The following ERC1 variants were observed in gnomAD, a reference collection of about 807,000 sequenced individuals.
The protein encoded by ERC1 is RAB6 interacting protein 2.
Under a neutral mutation model 132.0 loss-of-function variants are expected in ERC1, and 56 were observed. The ratio of observed to expected loss-of-function variants is 0.42; its 90% CI spans 0.34 to 0.53. The LOEUF (loss-of-function observed/expected upper bound fraction) is 0.53. Among genes scored for constraint, ERC1 ranks in the 20% least tolerant of loss-of-function variants. The pLI, the probability that ERC1 is intolerant of heterozygous loss-of-function variation, is 0.03. For synonymous variants in ERC1, 478 were observed against 476.1 expected, an observed-to-expected ratio of 1.00 and a Z score of -0.05; for missense variants, 1,202 against 1,349.9, an observed-to-expected ratio of 0.89 and a Z score of 1.72.
chr12:1,240,614 C>G (rs1477362508), intron 13 of ERC1, among the ~76,000 whole-genome samples: 1 of 152,016 alleles, frequency 6.6e-6, no homozygotes, highest in Non-Finnish European at 1.5e-5. Context: ...TCCGTATTTT[C>G]CAAGTAACTC....
At chr12:1,026,126 A>G (rs1270358298) in intron 1 of ERC1, among the ~76,000 whole-genome samples, 2 of 152,202 alleles carry the variant, frequency 1.3e-5, no homozygotes, top group African/African-American at 2.4e-5. Context: ...TCTCAGTTCC[A>G]CATGGCTGGG....
At chr12:1,454,293 T>C (rs1204157589) in intron 18 of ERC1, among the ~76,000 whole-genome samples, 1 of 152,234 alleles carries the variant, frequency 6.6e-6, no homozygotes, top group Admixed American at 6.5e-5. Flanking sequence ...GGTTCATTTG[T>C]GTTATCCTTT....
intron 15 of ERC1, among the ~76,000 whole-genome samples, chr12:1,333,044 G>A (rs997294732): frequency 1.4e-5 from 2 of 145,456 alleles, no homozygotes; most frequent in Non-Finnish European, 3.1e-5. Flanking sequence ...CCTGATCCTC[G>A]TCCTGATCCT....
At chr12:1,305,578 C>T (rs2080817199) in intron 15 of ERC1, among the ~76,000 whole-genome samples, 2 of 152,144 alleles carry the variant, frequency 1.3e-5, no homozygotes, top group African/African-American at 4.8e-5. Flanking sequence ...ATTAGCACTT[C>T]TCCTGCTTTG....
Position 1,490,614 on chromosome 12 carries a change from T to G in ERC1, c.*384T>G. The G allele has an allele frequency of 3.8e-6, 1 of 260,374 alleles. No homozygotes were observed. Among genetic ancestry groups the G allele is most frequent in the East Asian group, 5.5e-5 (1 of 18,338 alleles). 16.1% of individuals were successfully genotyped at this position (260,374 alleles called of 1,614,324 possible). A position where few individuals can be genotyped will look rare whatever the true frequency, so the allele number is the denominator to read the frequency against. On this transcript the variant is annotated 3_prime_UTR_variant, in exon 19 of 19. Transcript: ENST00000360905. The stretch of plus-strand genomic sequence containing the variant: ...ATGAAACCAGGAATGGACTTGGAGT[T>G]CAACAGGCTGAGAGGATGCCTCCAA...
intron 2 of ERC1, among the ~76,000 whole-genome samples, chr12:1,079,104 T>A (rs1193967920): frequency 6.7e-6 from 1 of 149,444 alleles, no homozygotes; most frequent in African/African-American, 2.5e-5. Flanking sequence ...ATGACAAAAG[T>A]CGATATACAG....
At chr12:1,389,965 C>T (rs1367282988) in intron 16 of ERC1, among the ~76,000 whole-genome samples, 1 of 152,192 alleles carries the variant, frequency 6.6e-6, no homozygotes, top group Non-Finnish European at 1.5e-5. Flanking sequence ...AAGTTACACA[C>T]TTATTTCATG....
chr12:1,254,669 AC>A (rs1359203101), intron 13 of ERC1, among the ~76,000 whole-genome samples: 2 of 152,042 alleles, frequency 1.3e-5, no homozygotes, highest in Admixed American at 1.3e-4. Flanking sequence ...GTGCATCACC[AC>A]CCAGGATAAT....
At chr12:1,123,924 AG>A (rs1396698611) in intron 7 of ERC1, among the ~76,000 whole-genome samples, 1 of 152,188 alleles carries the variant, frequency 6.6e-6, no homozygotes, top group Non-Finnish European at 1.5e-5. Context: ...TGAACCCAGG[AG>A]GTAGAGGTTG....
intron 15 of ERC1, among the ~76,000 whole-genome samples, chr12:1,359,240 CAT>C (rs950840453): frequency 2.0e-5 from 3 of 152,242 alleles, no homozygotes; most frequent in Admixed American, 1.3e-4. Context: ...TCAAATTAAA[CAT>C]ATTTTCTTTA....
intron 18 of ERC1, among the ~76,000 whole-genome samples, chr12:1,450,033 G>A (rs1173738778): frequency 2.6e-5 from 4 of 152,074 alleles, no homozygotes; most frequent in Non-Finnish European, 1.5e-5. Flanking sequence ...TCTGCCAATA[G>A]TATACTTCTA....
At chr12:1,106,893 G>A (rs1459190056) in intron 4 of ERC1, among the ~76,000 whole-genome samples, 1 of 152,192 alleles carries the variant, frequency 6.6e-6, no homozygotes, top group Non-Finnish European at 1.5e-5. Context: ...AAAGATTCTG[G>A]TGGCCCAGTG....
At chr12:1,400,102 T>C (rs1218860039) in intron 16 of ERC1, among the ~76,000 whole-genome samples, 1 of 152,176 alleles carries the variant, frequency 6.6e-6, no homozygotes, top group Non-Finnish European at 1.5e-5. Context: ...ATTATGGGGT[T>C]TTGTTTGTTT....
chr12:1,043,306 GT>G (rs1565848852), intron 2 of ERC1, among the ~76,000 whole-genome samples: 2 of 152,112 alleles, frequency 1.3e-5, no homozygotes, highest in East Asian at 3.8e-4. Flanking sequence ...GCCTCCCAAA[GT>G]GCTGAGATTA....
intron 15 of ERC1, among the ~76,000 whole-genome samples, chr12:1,366,789 A>T (rs1347540993): frequency 1.3e-5 from 2 of 152,184 alleles, no homozygotes; most frequent in Non-Finnish European, 2.9e-5. Flanking sequence ...CAGCCTGTGG[A>T]TCCAGGAATA....
intron 16 of ERC1, among the ~76,000 whole-genome samples, chr12:1,406,776 G>T (rs2091521083): frequency 6.6e-6 from 1 of 152,196 alleles, no homozygotes; most frequent in South Asian, 2.1e-4. Context: ...AGGAGGCTGA[G>T]TTGGGAGGAT....
chr12:993,165 G>T (rs1351290605), intron 1 of ERC1, among the ~76,000 whole-genome samples: 3 of 152,172 alleles, frequency 2.0e-5, no homozygotes, highest in Non-Finnish European at 2.9e-5. Context: ...TTAATTAACT[G>T]TATTCAGTTA....
chr12:1,432,880 G>T (rs1339403231), intron 17 of ERC1, among the ~76,000 whole-genome samples: 1 of 152,182 alleles, frequency 6.6e-6, no homozygotes, highest in Admixed American at 6.5e-5. Flanking sequence ...TAGCCTCTGG[G>T]TTAAAAAACA....
At chr12:1,316,839 C>T (rs1479157041) in intron 15 of ERC1, among the ~76,000 whole-genome samples, 1 of 152,142 alleles carries the variant, frequency 6.6e-6, no homozygotes, top group East Asian at 1.9e-4. Context: ...AAACCAAATG[C>T]CCATCAATGA....
Sources: allele counts gnomAD v4.1 joint callset (sites outside exome capture counted in the v4.1 genomes callset), GRCh38; gene constraint gnomAD v4.1.1; transcripts MANE v1.5; gene names NCBI Gene and HGNC (gene_info 2026-07-23, HGNC 2026-07-21).